The following RBFOX1 variants were observed in gnomAD, a reference collection of about 807,000 sequenced individuals.
The protein encoded by RBFOX1 is RNA binding fox-1 homolog 1.
RBFOX1 carries 8 observed loss-of-function variants against 57.7 expected under a neutral mutation model. The observed-to-expected ratio is 0.14, with a 90% CI of 0.08 to 0.25. RBFOX1 has a LOEUF of 0.25. Among genes scored for constraint, RBFOX1 ranks in the 10% least tolerant of loss-of-function variants. The pLI is 1.00. For synonymous variants in RBFOX1, 326 were observed against 222.4 expected (o/e 1.47, Z -4.15); for missense variants, 611 against 548.5 (o/e 1.11, Z -1.14).
intron 1 of RBFOX1, among the ~76,000 whole-genome samples, chr16:5,343,893 T>C (rs2065086119): frequency 6.6e-6 from 1 of 152,236 alleles, no homozygotes; most frequent in Admixed American, 6.5e-5. Context: ...GTATGTATAC[T>C]GTGCAGTGGA....
At chr16:7,021,264 A>G (rs1324112138) in intron 3 of RBFOX1, among the ~76,000 whole-genome samples, 2 of 150,922 alleles carry the variant, frequency 1.3e-5, no homozygotes, top group Non-Finnish European at 2.9e-5. Context: ...TTTGGTTACT[A>G]CTTGAGTCCT....
chr16:7,170,859 C>G (rs542585387), intron 4 of RBFOX1, among the ~76,000 whole-genome samples: 6 of 152,318 alleles, frequency 3.9e-5, no homozygotes, highest in African/African-American at 9.6e-5. Flanking sequence ...CCTCTGCTGT[C>G]TGCTCTGCGC....
At chr16:7,258,486 G>A (rs930286283) in intron 4 of RBFOX1, among the ~76,000 whole-genome samples, 3 of 152,032 alleles carry the variant, frequency 2.0e-5, no homozygotes, top group Admixed American at 6.6e-5. Flanking sequence ...TCTCTGTCAA[G>A]GGGGGAGGCG....
At chr16:6,935,368 T>C (rs912377328) in intron 3 of RBFOX1, among the ~76,000 whole-genome samples, 2 of 152,130 alleles carry the variant, frequency 1.3e-5, no homozygotes, top group Non-Finnish European at 2.9e-5. Context: ...ATGAATAGAA[T>C]AGAATGTAGC....
chr16:5,645,183 A>C (rs2049009179), intron 3 of RBFOX1, among the ~76,000 whole-genome samples: 1 of 152,086 alleles, frequency 6.6e-6, no homozygotes, highest in Non-Finnish European at 1.5e-5. Flanking sequence ...TAGGAAGCAG[A>C]GGTTGCAGTG....
intron 2 of RBFOX1, among the ~76,000 whole-genome samples, chr16:6,422,300 G>A (rs2093798077): frequency 2.0e-5 from 3 of 150,872 alleles, no homozygotes; most frequent in African/African-American, 4.9e-5. Context: ...TTACATGGGT[G>A]TACTGTGTGA....
chr16:6,200,750 G>A (rs964092427), intron 1 of RBFOX1, among the ~76,000 whole-genome samples: 1 of 152,180 alleles, frequency 6.6e-6, no homozygotes, highest in African/African-American at 2.4e-5. Context: ...TTATTGTGAT[G>A]GGATAGACAA....
chr16:7,321,508 G>A (rs1023766376), intron 4 of RBFOX1, among the ~76,000 whole-genome samples: 7 of 152,054 alleles, frequency 4.6e-5, no homozygotes, highest in Non-Finnish European at 8.8e-5. Context: ...GCATAACATG[G>A]GATTATGTAT....
rs144234037 is a variant in RBFOX1 at position 6,925,520 on chromosome 16, CG to C, written c.-15-126530del. On this transcript the variant is annotated intron_variant, in intron 3 of 15. Transcript: ENST00000550418. ...CTATTCCACTGTGAATGTAAATTTCCGGGGGGGCAGGGATTTTGATCTATTT... is the reference window on the plus strand; with the variant it reads ...CTATTCCACTGTGAATGTAAATTTCCGGGGGGCAGGGATTTTGATCTATTT... 9.1e-3 allele frequency among the ~76,000 whole-genome samples: 1,363 copies of C among 150,364 alleles called. 22 individuals carry two copies. The highest frequency in any genetic ancestry group is 0.031 in the African/African-American group (1,278 of 40,798).
At chr16:5,397,376 A>G (rs2066589373) in intron 1 of RBFOX1, among the ~76,000 whole-genome samples, 1 of 152,170 alleles carries the variant, frequency 6.6e-6, no homozygotes, top group Non-Finnish European at 1.5e-5. Context: ...CATTTACTAG[A>G]ACAGGATCAG....
chr16:7,386,639 T>C (rs866708905), intron 4 of RBFOX1, among the ~76,000 whole-genome samples: 11 of 152,212 alleles, frequency 7.2e-5, no homozygotes, highest in Admixed American at 1.3e-4. Context: ...GATGGGCATT[T>C]GGGTTGGTTC....
At chr16:7,477,277 G>C (rs1567384007) in intron 4 of RBFOX1, among the ~76,000 whole-genome samples, 1 of 152,062 alleles carries the variant, frequency 6.6e-6, no homozygotes, top group Non-Finnish European at 1.5e-5. Context: ...ATGAGACACA[G>C]GCTTATTATT....
chr16:6,786,700 A>G (rs1466143414), intron 3 of RBFOX1, among the ~76,000 whole-genome samples: 1 of 152,056 alleles, frequency 6.6e-6, no homozygotes, highest in East Asian at 1.9e-4. Flanking sequence ...CTGAATGGGG[A>G]CCCTAGCACT....
chr16:6,892,077 C>T (rs2065572052), intron 3 of RBFOX1, among the ~76,000 whole-genome samples: 1 of 152,094 alleles, frequency 6.6e-6, no homozygotes, highest in African/African-American at 2.4e-5. Flanking sequence ...TGACATAGAT[C>T]CCATTTCTTA....
In RBFOX1 at chr16:6,613,558, A is replaced by G. The variant is rs180819893; in HGVS notation, c.-63-41045A>G. ...TGATATGTTTACAAAATGCTATGGA[A>G]CGCTAGATGATTATTAAACATAATG... On this transcript the variant is annotated intron_variant, in intron 2 of 15. Coordinates refer to ENST00000550418, the MANE Select transcript of RBFOX1 (RefSeq NM_018723.4). Among the ~76,000 whole-genome samples, 369 of 152,312 alleles carry G rather than the reference A, an allele frequency of 2.4e-3. 2 individuals are homozygous for G. Among genetic ancestry groups the G allele is most frequent in the South Asian group, 0.021 (102 of 4,824 alleles).
intron 1 of RBFOX1, among the ~76,000 whole-genome samples, chr16:5,392,398 G>A (rs150560672): frequency 1.8e-3 from 271 of 152,084 alleles, no homozygotes; most frequent in African/African-American, 3.2e-3. Flanking sequence ...AAATAAAGTC[G>A]CATTCATTGG....
At chr16:7,199,611 C>G (rs2087753237) in intron 4 of RBFOX1, among the ~76,000 whole-genome samples, 1 of 152,134 alleles carries the variant, frequency 6.6e-6, no homozygotes, top group South Asian at 2.1e-4. Context: ...GACAAAAAGG[C>G]TGGGCAGTGC....
intron 3 of RBFOX1, among the ~76,000 whole-genome samples, chr16:5,791,580 C>T (rs1412130246): frequency 6.6e-6 from 1 of 151,964 alleles, no homozygotes; most frequent in African/African-American, 2.4e-5. Flanking sequence ...ATGGGTGACT[C>T]TCCAGGTTCC....
chr16:5,898,023 A>G (rs1344654036), intron 4 of RBFOX1, among the ~76,000 whole-genome samples: 2 of 152,132 alleles, frequency 1.3e-5, no homozygotes, highest in African/African-American at 4.8e-5. Context: ...ATAAGGAAAG[A>G]GGTTTAATTG....
Sources: gnomAD v4.1 joint callset for allele counts (sites outside exome capture counted in the v4.1 genomes callset) on GRCh38, gnomAD v4.1.1 for gene constraint, MANE v1.5 for transcripts, NCBI Gene and HGNC (gene_info 2026-07-23, HGNC 2026-07-21) for gene names.